The following THEMIS variants were observed in gnomAD, a reference collection of about 807,000 sequenced individuals.
THEMIS encodes the protein protein THEMIS.
Under a neutral mutation model 52.6 loss-of-function variants are expected in THEMIS, and 37 were observed. The observed-to-expected ratio is 0.70, with a 90% CI of 0.54 to 0.93. The LOEUF is 0.93. Ranked by LOEUF, THEMIS falls within the 40% of genes least tolerant of loss-of-function variation. The pLI, the probability that THEMIS is intolerant of heterozygous loss-of-function variation, is 0.00. For synonymous variants in THEMIS, 292 were observed against 272.7 expected, an observed-to-expected ratio of 1.07 and a Z score of -0.70; for missense variants, 808 against 763.1, an observed-to-expected ratio of 1.06 and a Z score of -0.69.
intron 4 of THEMIS, among the ~76,000 whole-genome samples, chr6:127,771,880 G>A (rs1475272260): frequency 4.6e-5 from 7 of 151,968 alleles, no homozygotes; most frequent in Admixed American, 3.9e-4. Context: ...AATCAGTATG[G>A]CACATGTGCA....
At chr6:127,710,873 G>A (rs1773952028) in intron 5 of THEMIS, among the ~76,000 whole-genome samples, 1 of 151,824 alleles carries the variant, frequency 6.6e-6, no homozygotes, top group African/African-American at 2.4e-5. Flanking sequence ...GCCAGGACCT[G>A]GAGAGAAAGT....
At chr6:127,839,725 T>G (rs1337494840) in intron 2 of THEMIS, among the ~76,000 whole-genome samples, 1 of 152,088 alleles carries the variant, frequency 6.6e-6, no homozygotes, top group Non-Finnish European at 1.5e-5. Flanking sequence ...CATATTTACT[T>G]ACTCGCAATT....
intron 5 of THEMIS, among the ~76,000 whole-genome samples, chr6:127,714,621 T>G (rs1234398491): frequency 6.6e-6 from 1 of 151,842 alleles, no homozygotes; most frequent in Non-Finnish European, 1.5e-5. Flanking sequence ...GATAAGTATT[T>G]TTATTCTAAT....
intron 2 of THEMIS, among the ~76,000 whole-genome samples, chr6:127,836,984 A>G (rs778191587): frequency 6.6e-6 from 1 of 152,310 alleles, no homozygotes; most frequent in East Asian, 1.9e-4. Flanking sequence ...TGACCCAGAC[A>G]GTCACTTCCA....
At chr6:127,854,339 A>G (rs1490381287) in intron 2 of THEMIS, among the ~76,000 whole-genome samples, 1 of 151,826 alleles carries the variant, frequency 6.6e-6, no homozygotes, top group Non-Finnish European at 1.5e-5. Flanking sequence ...CTGGCCACAA[A>G]ACCTAAAAGA....
intron 4 of THEMIS, among the ~76,000 whole-genome samples, chr6:127,739,966 T>C (rs1302875375): frequency 6.6e-6 from 1 of 152,182 alleles, no homozygotes; most frequent in Non-Finnish European, 1.5e-5. Flanking sequence ...CCATTCTCAA[T>C]AACTGGGCTC....
At chr6:127,764,870 C>T (rs1424327166) in intron 4 of THEMIS, among the ~76,000 whole-genome samples, 1 of 151,902 alleles carries the variant, frequency 6.6e-6, no homozygotes, top group African/African-American at 2.4e-5. Flanking sequence ...AAATTAGACC[C>T]CCCAATTGCA....
chr6:127,780,724 C>G (rs1406009414), intron 4 of THEMIS, among the ~76,000 whole-genome samples: 1 of 152,124 alleles, frequency 6.6e-6, no homozygotes, highest in African/African-American at 2.4e-5. Flanking sequence ...AATATTGGCC[C>G]CTACTCTCTT....
chr6:127,706,671 T>G (rs1773804248), downstream of THEMIS, among the ~76,000 whole-genome samples: 1 of 151,870 alleles, frequency 6.6e-6, no homozygotes, highest in Admixed American at 6.6e-5. Context: ...ATGGAGAAAA[T>G]TAAGGCAGGG....
At chr6:127,758,424 TTA>T (rs1052911491) in intron 4 of THEMIS, among the ~76,000 whole-genome samples, 7 of 147,686 alleles carry the variant, frequency 4.7e-5, no homozygotes, top group Non-Finnish European at 8.9e-5. Context: ...TAAATATATA[TTA>T]TATATATAAC....
At chr6:127,852,073 T>C (rs934890842) in intron 2 of THEMIS, among the ~76,000 whole-genome samples, 14 of 151,534 alleles carry the variant, frequency 9.2e-5, no homozygotes, top group African/African-American at 3.4e-4. Flanking sequence ...AAATATTAAC[T>C]GAAAGAAAAC....
At chr6:127,781,403 A>G (rs2114481820) in intron 4 of THEMIS, among the ~76,000 whole-genome samples, 2 of 152,060 alleles carry the variant, frequency 1.3e-5, no homozygotes, top group Middle Eastern at 6.8e-3. Flanking sequence ...TCAATTCGTC[A>G]AACTCATTCT....
At chr6:127,911,806 A>G (rs1781418240) in intron 1 of THEMIS, among the ~76,000 whole-genome samples, 1 of 151,512 alleles carries the variant, frequency 6.6e-6, no homozygotes, top group Non-Finnish European at 1.5e-5. Flanking sequence ...TTGCTAGGGC[A>G]GTGCAGAAGG....
chr6:127,786,967 T>C (rs746526251), intron 4 of THEMIS, among the ~76,000 whole-genome samples: 47 of 152,184 alleles, frequency 3.1e-4, no homozygotes, highest in South Asian at 1.0e-3. Flanking sequence ...AGGGGGACAC[T>C]GGGTTTGGAG....
the THEMIS span, among the ~76,000 whole-genome samples, chr6:127,702,440 T>C: frequency 6.6e-6 from 1 of 152,206 alleles, no homozygotes; most frequent in Non-Finnish European, 1.5e-5. Context: ...CTGCCTTGCA[T>C]CACTCTCTGA....
intron 3 of THEMIS, among the ~76,000 whole-genome samples, chr6:127,817,091 C>T (rs1650829745): frequency 6.6e-6 from 1 of 152,146 alleles, no homozygotes; most frequent in Non-Finnish European, 1.5e-5. Context: ...TTCCATATAA[C>T]TTGTTAATTT....
chr6:127,784,703 T>C (rs1348830673), intron 4 of THEMIS, among the ~76,000 whole-genome samples: 2 of 152,140 alleles, frequency 1.3e-5, no homozygotes, highest in Non-Finnish European at 2.9e-5. Flanking sequence ...AATGGAACTG[T>C]GAATGTACTA....
chr6:127,821,164 C>A (rs995083673), intron 3 of THEMIS, among the ~76,000 whole-genome samples: 2 of 147,744 alleles, frequency 1.4e-5, no homozygotes, highest in Non-Finnish European at 3.0e-5. Context: ...GTGTGTGTGT[C>A]TGTGTGTGTG....
chr6:127,780,994 C>A (rs1776725070), intron 4 of THEMIS, among the ~76,000 whole-genome samples: 1 of 152,098 alleles, frequency 6.6e-6, no homozygotes. Context: ...TGTTTTCCAA[C>A]TTGGTTCCAT....
Sources: gnomAD v4.1 joint callset for allele counts (sites outside exome capture counted in the v4.1 genomes callset) on GRCh38, gnomAD v4.1.1 for gene constraint, MANE v1.5 for transcripts, NCBI Gene and HGNC (gene_info 2026-07-23, HGNC 2026-07-21) for gene names.